The following AMMECR1 variants were observed in gnomAD, a reference collection of about 807,000 sequenced individuals.
AMMECR1 encodes the protein AMMECR nuclear protein 1.
A neutral mutation model predicts 22.5 loss-of-function variants in AMMECR1; 3 were observed. The ratio of observed to expected loss-of-function variants is 0.13; its 90% CI spans 0.06 to 0.35. The LOEUF (loss-of-function observed/expected upper bound fraction) is 0.35. AMMECR1 is among the 10% of genes least tolerant of loss of function. The pLI, the probability that AMMECR1 is intolerant of heterozygous loss-of-function variation, is 1.00. For synonymous variants in AMMECR1, 130 were observed against 116.7 expected (o/e 1.11, Z -0.74); for missense variants, 235 against 278.7 (o/e 0.84, Z 1.12).
chrX:110,384,615 T>G (rs1409554948), intron 2 of AMMECR1, among the ~76,000 whole-genome samples: 1 of 111,325 alleles, frequency 9.0e-6, no homozygotes, highest in Non-Finnish European at 1.9e-5. Flanking sequence ...AGATACTCTA[T>G]TTGTTCCTAA....
chrX:110,216,704 G>T (rs957902370), intron 2 of AMMECR1, 72 bp from the exon 3 acceptor site: 3 of 661,427 alleles, frequency 4.5e-6, no homozygotes, highest in African/African-American at 4.5e-5. Flanking sequence ...GCAAACAATT[G>T]TTTGAAAAAG....
intron 2 of AMMECR1, among the ~76,000 whole-genome samples, chrX:110,367,973 A>AATTATTATTATTATT (rs201193443): frequency 6.8e-4 from 58 of 85,325 alleles, no homozygotes; most frequent in East Asian, 1.1e-3. Flanking sequence ...AGTGCTGGCT[A>AATTATTATTATTATT]ATTATTATTA....
chrX:110,385,000 A>G (rs1423902162), intron 2 of AMMECR1, among the ~76,000 whole-genome samples: 1 of 110,812 alleles, frequency 9.0e-6, no homozygotes, highest in Non-Finnish European at 1.9e-5. Context: ...TTGAAAGCCT[A>G]AGACTATCAT....
intron 1 of AMMECR1, among the ~76,000 whole-genome samples, chrX:110,428,917 T>C (rs1373207677): frequency 1.8e-5 from 2 of 112,370 alleles, no homozygotes; most frequent in Non-Finnish European, 3.8e-5. Context: ...CAGGGTCCGA[T>C]GCGACGGCAC....
intron 5 of AMMECR1, 115 bp from the exon 6 acceptor site, chrX:110,198,749 A>G: frequency 2.0e-6 from 1 of 509,877 alleles, no homozygotes; most frequent in Non-Finnish European, 3.3e-6. Context: ...GGGGTCCCAG[A>G]GAGAAGCAGT....
At chrX:110,263,574 T>C (rs1360750170) in intron 2 of AMMECR1, among the ~76,000 whole-genome samples, 1 of 112,048 alleles carries the variant, frequency 8.9e-6, no homozygotes, top group East Asian at 2.8e-4. Context: ...TAGTGATTAT[T>C]ACTTCATTCT....
At chrX:110,413,445 C>T (rs985947703) in intron 2 of AMMECR1, among the ~76,000 whole-genome samples, 2 of 110,458 alleles carry the variant, frequency 1.8e-5, no homozygotes, top group Non-Finnish European at 3.8e-5. Context: ...CCAAGAACTC[C>T]TCCTTCTCAT....
chrX:110,208,993 A>G (rs1162881382), intron 3 of AMMECR1, among the ~76,000 whole-genome samples: 1 of 111,259 alleles, frequency 9.0e-6, no homozygotes, highest in Non-Finnish European at 1.9e-5. Context: ...CATTTCTTAA[A>G]AAAGGGAATA....
intron 1 of AMMECR1, among the ~76,000 whole-genome samples, chrX:110,436,193 C>G (rs1479881476): frequency 1.8e-5 from 2 of 112,017 alleles, no homozygotes; most frequent in Non-Finnish European, 3.8e-5. Context: ...AGAGCTGCTG[C>G]TTGGACAAGA....
intron 2 of AMMECR1, among the ~76,000 whole-genome samples, chrX:110,421,184 A>G (rs983665295): frequency 8.9e-6 from 1 of 112,501 alleles, no homozygotes; most frequent in African/African-American, 3.2e-5. Flanking sequence ...TGTCACCTTT[A>G]AAATGCTTTC....
chrX:110,411,907 C>T (rs1348466886), intron 2 of AMMECR1, among the ~76,000 whole-genome samples: 1 of 112,362 alleles, frequency 8.9e-6, no homozygotes, highest in African/African-American at 3.2e-5. Flanking sequence ...GCCTGGCATA[C>T]AGTAGGTACT....
chrX:110,387,379 A>G (rs1195931107), intron 2 of AMMECR1, among the ~76,000 whole-genome samples: 1 of 112,169 alleles, frequency 8.9e-6, no homozygotes, highest in Non-Finnish European at 1.9e-5. Context: ...AACTGGACAA[A>G]TTTCACATAA....
At chrX:110,297,702 T>C (rs1416455637) in intron 1 of AMMECR1, among the ~76,000 whole-genome samples, 2 of 111,901 alleles carry the variant, frequency 1.8e-5, no homozygotes, top group African/African-American at 6.5e-5. Flanking sequence ...CAGACATTGC[T>C]TTTATAGGGG....
intron 1 of AMMECR1, among the ~76,000 whole-genome samples, chrX:110,312,189 C>A (rs1262417173): frequency 1.8e-5 from 2 of 112,306 alleles, no homozygotes; most frequent in Non-Finnish European, 3.8e-5. Context: ...CACATAAATT[C>A]TCAAAAAGTA....
chrX:110,415,428 T>C (rs1411330264), intron 2 of AMMECR1, among the ~76,000 whole-genome samples: 1 of 112,024 alleles, frequency 8.9e-6, no homozygotes, highest in Non-Finnish European at 1.9e-5. Flanking sequence ...GATGCTTTTT[T>C]CCCCATTTTC....
intron 1 of AMMECR1, among the ~76,000 whole-genome samples, chrX:110,275,620 C>T (rs750939178): frequency 2.7e-5 from 3 of 110,733 alleles, no homozygotes; most frequent in Admixed American, 9.6e-5. Context: ...CACCTGAGGC[C>T]GGGAGTTCGA....
chrX:110,429,698 T>C (rs2068783356), intron 1 of AMMECR1, among the ~76,000 whole-genome samples: 1 of 110,523 alleles, frequency 9.0e-6, no homozygotes, highest in Admixed American at 9.6e-5. Flanking sequence ...GCCAGGCTGG[T>C]CTTGAACTCC....
chrX:110,407,223 G>A (rs1175262895), intron 2 of AMMECR1, among the ~76,000 whole-genome samples: 6 of 112,117 alleles, frequency 5.4e-5, no homozygotes, highest in African/African-American at 1.9e-4. Context: ...TTTTCTTTGT[G>A]GAATGAGACA....
At chrX:110,429,467 TTTTTTTG>T (rs2068779993) in intron 1 of AMMECR1, among the ~76,000 whole-genome samples, 1 of 79,949 alleles carries the variant, frequency 1.3e-5, no homozygotes, top group African/African-American at 1.2e-4. Flanking sequence ...TGTTTTTTTT[TTTTTTTG>T]TTTTGTTTTT....
Sources: gnomAD v4.1 joint callset for allele counts (sites outside exome capture counted in the v4.1 genomes callset) on GRCh38, gnomAD v4.1.1 for gene constraint, MANE v1.5 for transcripts, NCBI Gene and HGNC (gene_info 2026-07-23, HGNC 2026-07-21) for gene names.